BAZ2B: variants seen among roughly 807,000 people sequenced by gnomAD.
The protein encoded by BAZ2B is bromodomain adjacent to zinc finger domain 2B, also known as bromodomain adjacent to zinc finger domain protein 2B.
Under a neutral mutation model 246.0 loss-of-function variants are expected in BAZ2B, and 91 were observed. The observed-to-expected ratio is 0.37, with a 90% CI of 0.31 to 0.44. BAZ2B has a LOEUF of 0.44. BAZ2B is among the 20% of genes least tolerant of loss of function. The pLI, the probability that BAZ2B is intolerant of heterozygous loss-of-function variation, is 1.00. For synonymous variants in BAZ2B, 855 were observed against 860.0 expected (o/e 0.99, Z 0.10); for missense variants, 2,332 against 2,533.7 (o/e 0.92, Z 1.71).
At chr2:159,462,386 T>G (rs2076514488) in intron 3 of BAZ2B, 1 of 1,224,342 alleles carries the variant, frequency 8.2e-7, no homozygotes, top group East Asian at 2.3e-5. Flanking sequence ...AATCCTACAT[T>G]CAGCCTTTAG....
At chr2:159,374,546 TGACAA>T in intron 26 of BAZ2B, 140 bp downstream of exon 26, 1 of 659,190 alleles carries the variant, frequency 1.5e-6, no homozygotes, top group Middle Eastern at 4.2e-4. Context: ...TTTTTTTTTC[TGACAA>T]AAATGCTATT....
chr2:159,374,243 A>G (rs937266713), intron 26 of BAZ2B, among the ~76,000 whole-genome samples: 4 of 152,008 alleles, frequency 2.6e-5, no homozygotes, highest in African/African-American at 9.7e-5. Flanking sequence ...ATACATCCAC[A>G]GTTTACAAAT....
the BAZ2B span, among the ~76,000 whole-genome samples, chr2:159,626,741 C>T: frequency 3.9e-5 from 6 of 152,098 alleles, no homozygotes; most frequent in African/African-American, 9.7e-5. Flanking sequence ...GACACTCTAA[C>T]ATCACAATTA....
At chr2:159,692,020 T>C in the BAZ2B span, among the ~76,000 whole-genome samples, 24 of 152,238 alleles carry the variant, frequency 1.6e-4, 1 homozygote, top group Non-Finnish European at 2.8e-4. Flanking sequence ...ATGTATGATC[T>C]ATGTTTATAT....
chr2:159,661,431 T>C, the BAZ2B span, among the ~76,000 whole-genome samples: 7 of 152,334 alleles, frequency 4.6e-5, no homozygotes, highest in African/African-American at 1.7e-4. Context: ...TATGCCCATA[T>C]CCTCTTTTTT....
intron 31 of BAZ2B, among the ~76,000 whole-genome samples, chr2:159,338,777 T>A (rs2066100367): frequency 6.6e-6 from 1 of 152,196 alleles, no homozygotes; most frequent in South Asian, 2.1e-4. Context: ...GGTCTCCAAT[T>A]GTCCAAACCA....
intron 2 of BAZ2B, among the ~76,000 whole-genome samples, chr2:159,519,653 T>C (rs559956936): frequency 2.7e-5 from 4 of 148,412 alleles, no homozygotes; most frequent in South Asian, 4.3e-4. Flanking sequence ...TCCAGACAAT[T>C]ATAAGGGACC....
chr2:159,628,058 T>G, the BAZ2B span, among the ~76,000 whole-genome samples: 2 of 152,162 alleles, frequency 1.3e-5, no homozygotes, highest in African/African-American at 4.8e-5. Context: ...ATGAGTGAAC[T>G]CCCATTCACA....
intron 6 of BAZ2B, among the ~76,000 whole-genome samples, chr2:159,442,416 G>C (rs1035195020): frequency 6.6e-6 from 1 of 152,208 alleles, no homozygotes; most frequent in South Asian, 2.1e-4. Flanking sequence ...GCTCTTATAA[G>C]TCATGGCAAG....
At chr2:159,511,509 C>G (rs1017416220) in intron 2 of BAZ2B, among the ~76,000 whole-genome samples, 2 of 152,070 alleles carry the variant, frequency 1.3e-5, no homozygotes, top group South Asian at 2.1e-4. Flanking sequence ...CCCAGCCTCT[C>G]TGGACATTGC....
At chr2:159,524,378 C>T (rs556900033) in intron 2 of BAZ2B, among the ~76,000 whole-genome samples, 55 of 152,110 alleles carry the variant, frequency 3.6e-4, no homozygotes, top group African/African-American at 1.3e-3. Flanking sequence ...TCGCTTGAGC[C>T]GGGAAGTCAA....
In BAZ2B at chr2:159,448,426, C is replaced by A; in HGVS notation, c.335-17G>T. 6.6e-7 allele frequency: 1 copy of A among 1,523,600 alleles called. No homozygotes were observed. The highest frequency in any genetic ancestry group is 1.4e-5 in the African/African-American group (1 of 70,648). The allele number at this position is 1,523,600 out of a possible 1,614,324, so 94.4% of individuals were successfully genotyped here. A position where few individuals can be genotyped will look rare whatever the true frequency, so the allele number is the denominator to read the frequency against. ...ATTCTGCACCTCAAAACCAAACAAA[C>A]CAACCAAACAAAAATATATAAATTA... On this transcript the variant is annotated splice_polypyrimidine_tract_variant and intron_variant, in intron 4 of 36. Transcript: ENST00000392783.
intron 27 of BAZ2B, among the ~76,000 whole-genome samples, chr2:159,354,752 CT>C (rs1262103203): frequency 1.3e-5 from 2 of 152,188 alleles, no homozygotes; most frequent in African/African-American, 4.8e-5. Context: ...ATATAATCCT[CT>C]GGTCTTTCTA....
In BAZ2B at chr2:159,386,530, C is replaced by T; in HGVS notation, c.3294G>A (p.Gln1098=). Residue 1098 remains glutamine (Q), a synonymous_variant, in exon 22 of 37, where the codon CAG becomes CAA. Transcript: ENST00000392783. ...AAACTTTACCAAAGTTTCGTAAGAA[C>T]TGCACCACCATGAGACAGTCTGAAA... is the stretch of plus-strand genomic sequence containing the variant. The part of the protein sequence containing the change: ...STFSDCLMVV[Q]FLRNFGKVLG... 6 of 1,613,594 alleles carry T rather than the reference C, an allele frequency of 3.7e-6. No individual in the cohort carries two copies. The highest frequency in any genetic ancestry group is 5.1e-6 in the Non-Finnish European group (6 of 1,179,760).
chr2:159,580,293 C>A (rs1686428086), intron 1 of BAZ2B, among the ~76,000 whole-genome samples: 1 of 152,140 alleles, frequency 6.6e-6, no homozygotes. Flanking sequence ...ACAGCCAAAT[C>A]ATGAGTGAAC....
intron 2 of BAZ2B, among the ~76,000 whole-genome samples, chr2:159,532,404 A>G (rs1359082946): frequency 2.0e-5 from 3 of 152,200 alleles, no homozygotes; most frequent in Non-Finnish European, 2.9e-5. Flanking sequence ...TTCTCTACCA[A>G]ATAAATAAAA....
chr2:159,320,410 T>C lies in BAZ2B; in HGVS notation c.6362A>G (p.Asn2121Ser), dbSNP rs758932030. The part of the protein sequence containing the change: ...REKLSSGQYP[N>S]LETFALDVRL... ...GACATCTAGAGCAAAGGTTTCAAGGTTTGGATACCTGAAAGAAAACAAATA... is the reference window on the plus strand; with the variant it reads ...GACATCTAGAGCAAAGGTTTCAAGGCTTGGATACCTGAAAGAAAACAAATA... Residue 2121 changes from asparagine (N) to serine (S), a missense_variant, in exon 37 of 37, where the codon AAC becomes AGC. Asn to Ser is a conservative substitution (Grantham distance 46). Around this residue, in one of 9 missense-constraint regions of BAZ2B, gnomAD observed 210 missense variants for 232.5 expected, o/e 0.90. Coordinates refer to ENST00000392783, the MANE Select transcript of BAZ2B (RefSeq NM_013450.4). The C allele has an allele frequency of 1.5e-5, 23 of 1,561,834 alleles. No individual in the cohort carries two copies. In the East Asian group the frequency reaches 4.8e-4, roughly 32 times the overall value.
the BAZ2B span, among the ~76,000 whole-genome samples, chr2:159,668,841 G>A: frequency 2.0e-5 from 3 of 152,106 alleles, no homozygotes; most frequent in African/African-American, 7.2e-5. Context: ...CTGATCACTT[G>A]AGATCAGGAA....
chr2:159,448,382 G>A lies in BAZ2B; in HGVS notation c.362C>T (p.Ala121Val), dbSNP rs778091738. 2.5e-6 allele frequency: 4 copies of A among 1,596,768 alleles called. No individual in the cohort carries two copies. The South Asian group carries it at 3.4e-5, about 14-fold the overall frequency. ...PGAEWWRTTDAHTRTGATFFP... is the reference protein window; with the variant it reads ...PGAEWWRTTDVHTRTGATFFP... The stretch of plus-strand genomic sequence containing the variant: ...GAAGGTTGCTCCTGTACGAGTATGA[G>A]CATCAGTTGTTCGCCACCATTCTGC... The change falls in exon 5 of 37, where the codon GCT (alanine) becomes GTT (valine). Residue 121 changes from alanine (A) to valine (V), a missense_variant. Physicochemically the swap from Ala to Val is moderately conservative, Grantham distance 64. This residue lies in a region of BAZ2B where 242 missense variants were observed against 237.4 expected (regional missense o/e 1.02). Coordinates refer to ENST00000392783, the MANE Select transcript of BAZ2B (RefSeq NM_013450.4).
Sources: allele counts gnomAD v4.1 joint callset (sites outside exome capture counted in the v4.1 genomes callset), GRCh38; gene constraint gnomAD v4.1.1; regional missense constraint gnomAD v4.1.1; transcripts MANE v1.5; gene names NCBI Gene and HGNC (gene_info 2026-07-23, HGNC 2026-07-21).